The following HSPA12A variants were observed in gnomAD, a reference collection of about 807,000 sequenced individuals.
The protein encoded by HSPA12A is heat shock protein family A (Hsp70) member 12A, also known as heat shock 70 kDa protein 12A.
In HSPA12A, 28 loss-of-function variants were observed where a neutral mutation model predicts 69.2. The observed-to-expected ratio is 0.40, with a 90% CI of 0.30 to 0.55. The LOEUF (loss-of-function observed/expected upper bound fraction) is 0.55. HSPA12A is among the 20% of genes least tolerant of loss of function. HSPA12A has a pLI of 0.38. For missense variants in HSPA12A, 686 were observed against 900.7 expected (o/e 0.76, Z 3.05); for synonymous variants, 345 against 370.5 (o/e 0.93, Z 0.79).
rs74161324 is a variant in HSPA12A, at chr10:116,806,030, A to G, written c.91+28905T>C. ...CTGTCATCCTTGGGCCACCTCTGTGATGGACTGAAGGCAGAGATGAAAACC... is the reference window on the plus strand; with the variant it reads ...CTGTCATCCTTGGGCCACCTCTGTGGTGGACTGAAGGCAGAGATGAAAACC... On this transcript the variant is annotated intron_variant, in intron 2 of 12. Coordinates refer to the HSPA12A transcript ENST00000635765. 8.4e-3 allele frequency among the ~76,000 whole-genome samples: 1,284 copies of G among 152,256 alleles called. 22 individuals carry two copies. Among genetic ancestry groups the G allele is most frequent in the African/African-American group, 0.029 (1,222 of 41,540 alleles).
upstream of HSPA12A, among the ~76,000 whole-genome samples, chr10:116,745,998 G>A (rs1554887786): frequency 6.6e-6 from 1 of 152,032 alleles, no homozygotes; most frequent in African/African-American, 2.4e-5. Context: ...CCCTCTAGCT[G>A]CCAGCTCTCC....
At chr10:116,834,871 G>A (rs1321694919) in intron 2 of HSPA12A, 15 of 876,420 alleles carry the variant, frequency 1.7e-5, no homozygotes, top group Non-Finnish European at 2.0e-5. Context: ...CGACAGGAAT[G>A]AGGTTCTGGG....
intron 2 of HSPA12A, among the ~76,000 whole-genome samples, chr10:116,757,183 G>A (rs1843868588): frequency 6.6e-6 from 1 of 152,192 alleles, no homozygotes; most frequent in Non-Finnish European, 1.5e-5. Context: ...TTAGCTGGGG[G>A]AAATGGGGGA....
intron 1 of HSPA12A, among the ~76,000 whole-genome samples, chr10:116,722,486 T>C (rs1554884509): frequency 6.6e-6 from 1 of 152,140 alleles, no homozygotes; most frequent in African/African-American, 2.4e-5. Context: ...GAGGACATTC[T>C]GGGTTAATGA....
At chr10:116,848,689 C>T (rs1430519173) in intron 1 of HSPA12A, among the ~76,000 whole-genome samples, 5 of 152,106 alleles carry the variant, frequency 3.3e-5, no homozygotes. Flanking sequence ...GAAGGCACTT[C>T]GGATTGAAAA....
At chr10:116,847,416 C>T (rs558271578) in intron 1 of HSPA12A, among the ~76,000 whole-genome samples, 1 of 152,318 alleles carries the variant, frequency 6.6e-6, no homozygotes, top group East Asian at 1.9e-4. Context: ...AAGTTAACTT[C>T]CTAAAACCCC....
At position 116,726,012 on chromosome 10, in the gene HSPA12A, G is replaced by GACACAC. The variant is rs1277422010; in HGVS notation, c.40+16412_40+16417dup. 5.7e-5 allele frequency among the ~76,000 whole-genome samples: 4 copies of GACACAC among 70,512 alleles called. No homozygotes were observed. The South Asian group carries it at 2.3e-3, about 40-fold the overall frequency. 46.3% of individuals were successfully genotyped at this position (70,512 alleles called of 152,430 possible). A position where few individuals can be genotyped will look rare whatever the true frequency, so the allele number is the denominator to read the frequency against. Reference sequence around the variant, plus strand: ...ATATTCATTCAACATACAAGGTTTAGACACACACACACACGCACACACACA... The same window carrying GACACAC: ...ATATTCATTCAACATACAAGGTTTAGACACACACACACACACACACGCACACACACA... On this transcript the variant is annotated intron_variant, in intron 1 of 11. Transcript: ENST00000369209.
chr10:116,825,612 C>G (rs1845487990), intron 2 of HSPA12A, among the ~76,000 whole-genome samples: 1 of 152,106 alleles, frequency 6.6e-6, no homozygotes. Flanking sequence ...AAGAATGCAT[C>G]CTGTATGATT....
Position 116,742,414 on chromosome 10 carries a change from C to A in HSPA12A, c.40+16G>T. Reference sequence around the variant, plus strand: ...CCCCGCCAGCCGCGGCCGCAGGACCCGCAGCCTGCGCTCACCTCGGGGCCC... The same window carrying A: ...CCCCGCCAGCCGCGGCCGCAGGACCAGCAGCCTGCGCTCACCTCGGGGCCC... On this transcript the variant is annotated intron_variant, in intron 1 of 11. Transcript: ENST00000369209. 3 of 1,434,884 alleles carry A rather than the reference C, an allele frequency of 2.1e-6. No individual in the cohort carries two copies. Among genetic ancestry groups the A allele is most frequent in the Non-Finnish European group, 2.7e-6 (3 of 1,095,990 alleles). 88.9% of individuals were successfully genotyped at this position (1,434,884 alleles called of 1,614,324 possible).
chr10:116,811,314 G>C (rs769294321), intron 2 of HSPA12A, among the ~76,000 whole-genome samples: 2 of 152,268 alleles, frequency 1.3e-5, no homozygotes, highest in Non-Finnish European at 1.5e-5. Flanking sequence ...ACTATGCAGA[G>C]CCTCAAGGGC....
chr10:116,676,217 A>C (rs1849230381), intron 11 of HSPA12A, among the ~76,000 whole-genome samples, 182 bp downstream of exon 11: 1 of 152,190 alleles, frequency 6.6e-6, no homozygotes, highest in African/African-American at 2.4e-5. Flanking sequence ...AGGGATCCAG[A>C]GCCTATGCCC....
At chr10:116,731,382 C>T (rs970237512) in intron 1 of HSPA12A, among the ~76,000 whole-genome samples, 1 of 152,186 alleles carries the variant, frequency 6.6e-6, no homozygotes, top group African/African-American at 2.4e-5. Flanking sequence ...ACCCCTTCTG[C>T]TGCTCTCTAA....
At position 116,701,083 on chromosome 10, in the gene HSPA12A, T is replaced by C. The variant is rs782529182; in HGVS notation, c.301A>G (p.Thr101Ala). The C allele has an allele frequency of 1.2e-6, 2 of 1,614,028 alleles. No individual in the cohort carries two copies. The highest frequency in any genetic ancestry group is 1.3e-5 in the African/African-American group (1 of 74,910). Reference protein sequence around the residue: ...DPGVSNQKTPTTILLTPERKF... With the variant: ...DPGVSNQKTPATILLTPERKF... The stretch of plus-strand genomic sequence containing the variant: ...CTCTCGGGAGTCAGCAAGATGGTGG[T>C]TGGAGTCTTCTGATTGGACACACCA... The change falls in exon 4 of 12, where the codon ACC (threonine) becomes GCC (alanine). Residue 101 changes from threonine (T) to alanine (A), a missense_variant. Transcript: ENST00000369209.
chr10:116,745,443 C>T (rs1436572163), upstream of HSPA12A, among the ~76,000 whole-genome samples: 1 of 152,232 alleles, frequency 6.6e-6, no homozygotes, highest in Admixed American at 6.5e-5. Context: ...TGTGGGTACA[C>T]TGCAGCACCC....
chr10:116,785,330 C>T (rs1462368016), intron 2 of HSPA12A, among the ~76,000 whole-genome samples: 1 of 152,130 alleles, frequency 6.6e-6, no homozygotes, highest in Non-Finnish European at 1.5e-5. Flanking sequence ...CCTAGTGCTG[C>T]TGTGGAGGAA....
intron 1 of HSPA12A, among the ~76,000 whole-genome samples, chr10:116,849,140 G>T (rs1057056324): frequency 6.6e-6 from 1 of 152,214 alleles, no homozygotes; most frequent in African/African-American, 2.4e-5. Context: ...GAGCAAGGGG[G>T]CGCGTGGGGA....
intron 2 of HSPA12A, among the ~76,000 whole-genome samples, chr10:116,773,278 AG>A (rs1381620240): frequency 1.9e-4 from 29 of 149,430 alleles, no homozygotes; most frequent in Non-Finnish European, 7.4e-5. Flanking sequence ...TAATGAGCAA[AG>A]GCTTCAGTCC....
intron 1 of HSPA12A, among the ~76,000 whole-genome samples, chr10:116,835,633 C>T (rs1193048443): frequency 6.6e-6 from 1 of 152,220 alleles, no homozygotes; most frequent in East Asian, 1.9e-4. Context: ...GGCTCCTAAA[C>T]AGTACAAGGG....
At chr10:116,783,528 G>A (rs1245155232) in intron 2 of HSPA12A, among the ~76,000 whole-genome samples, 1 of 152,206 alleles carries the variant, frequency 6.6e-6, no homozygotes, top group Non-Finnish European at 1.5e-5. Context: ...AACTGCAGCA[G>A]CTGCAACAGT....
Sources: gnomAD v4.1 joint callset for allele counts (sites outside exome capture counted in the v4.1 genomes callset) on GRCh38, gnomAD v4.1.1 for gene constraint, MANE v1.5 for transcripts, NCBI Gene and HGNC (gene_info 2026-07-23, HGNC 2026-07-21) for gene names.